The following TMEM50B variants were observed in gnomAD, a reference collection of about 807,000 sequenced individuals.
TMEM50B encodes transmembrane protein 50B.
In TMEM50B, 14 loss-of-function variants were observed where a neutral mutation model predicts 23.4. The ratio of observed to expected loss-of-function variants is 0.60; its 90% CI spans 0.39 to 0.93. The LOEUF is 0.93. Ranked by LOEUF, TMEM50B falls within the 40% of genes least tolerant of loss-of-function variation. TMEM50B has a pLI of 0.00. For missense variants in TMEM50B, 159 were observed against 193.0 expected (o/e 0.82, Z 1.04); for synonymous variants, 64 against 62.3 (o/e 1.03, Z -0.13).
rs2084094716 is a variant in TMEM50B, at chr21:33,449,211, G to A, written c.*1607C>T. The A allele has an allele frequency of 6.6e-6, 1 of 152,168 alleles. No individual in the cohort carries two copies. Among genetic ancestry groups the A allele is most frequent in the Admixed American group, 6.5e-5 (1 of 15,268 alleles). 9.4% of individuals were successfully genotyped at this position (152,168 alleles called of 1,614,324 possible). On this transcript the variant is annotated 3_prime_UTR_variant, in exon 7 of 7. Transcript: ENST00000542230. Reference sequence around the variant, plus strand: ...AAATAATTAGTCTTACAATTTGCTAGAAGCATGACAGAGCTTACTAACATT... The same window carrying A: ...AAATAATTAGTCTTACAATTTGCTAAAAGCATGACAGAGCTTACTAACATT...
intron 3 of TMEM50B, 117 bp downstream of exon 3, chr21:33,466,893 C>A: frequency 1.4e-6 from 1 of 730,550 alleles, no homozygotes. Context: ...ATGTATGTAT[C>A]ATGTTAAAAA....
intron 5 of TMEM50B, among the ~76,000 whole-genome samples, chr21:33,457,223 T>C (rs115114540): frequency 0.043 from 6,455 of 151,376 alleles, 185 homozygotes; most frequent in African/African-American, 0.079. Context: ...CACTGCACTC[T>C]AGCCTGGACG....
intron 5 of TMEM50B, among the ~76,000 whole-genome samples, chr21:33,458,232 G>C (rs370455440): frequency 1.3e-5 from 2 of 152,128 alleles, no homozygotes; most frequent in African/African-American, 4.8e-5. Context: ...CACACTTTCC[G>C]GCTGGGCACA....
At chr21:33,468,738 A>T in intron 2 of TMEM50B, 49 bp downstream of exon 2, 1 of 1,472,086 alleles carries the variant, frequency 6.8e-7, no homozygotes, top group Non-Finnish European at 9.4e-7. Flanking sequence ...ATTAATTTCC[A>T]GGGCAAAAGG....
At chr21:33,474,689 C>T (rs112983895) in intron 1 of TMEM50B, among the ~76,000 whole-genome samples, 2 of 127,240 alleles carry the variant, frequency 1.6e-5, no homozygotes, top group Non-Finnish European at 3.2e-5. Context: ...GCAGGAGAAT[C>T]GCTTGGACCC....
chr21:33,460,492 C>T lies in TMEM50B; in HGVS notation c.294G>A (p.Trp98Ter). 1.9e-6 allele frequency: 3 copies of T among 1,610,262 alleles called. No homozygotes were observed. The highest frequency in any genetic ancestry group is 2.5e-6 in the Non-Finnish European group (3 of 1,178,610). Reference sequence around the variant, plus strand: ...ACATCAACATGAAACCAATGAAAAGCCAAACTCGAGCACCTGTGTAGAGAA... The same window carrying T: ...ACATCAACATGAAACCAATGAAAAGTCAAACTCGAGCACCTGTGTAGAGAA... Reference protein sequence around the residue: ...GCLGRTGARVWLFIGFMLMFG... With the variant: ...GCLGRTGARV The change falls in exon 5 of 7, where the codon TGG becomes TGA. Residue 98 changes from tryptophan (W) to a stop codon, truncating the protein, a stop_gained. Transcript: ENST00000542230. LOFTEE classifies it high-confidence loss of function.
intron 4 of TMEM50B, among the ~76,000 whole-genome samples, chr21:33,464,008 C>T (rs1293759847): frequency 6.6e-6 from 1 of 151,958 alleles, no homozygotes; most frequent in African/African-American, 2.4e-5. Context: ...AAAATATACA[C>T]GTGATACCAA....
intron 1 of TMEM50B, among the ~76,000 whole-genome samples, chr21:33,472,626 C>T (rs2084328436): frequency 6.6e-6 from 1 of 151,992 alleles, no homozygotes; most frequent in South Asian, 2.1e-4. Flanking sequence ...CCTGCAATCC[C>T]AGCACTTTGG....
intron 8 of TMEM50B, chr21:33,439,177 G>A (rs950119261): frequency 1.3e-5 from 2 of 152,220 alleles, no homozygotes; most frequent in African/African-American, 4.8e-5. Flanking sequence ...GACAAGTTTG[G>A]AGGAAGAAGT....
chr21:33,445,861 C>T (rs1384270612), downstream of TMEM50B, among the ~76,000 whole-genome samples: 1 of 152,144 alleles, frequency 6.6e-6, no homozygotes, highest in Non-Finnish European at 1.5e-5. Flanking sequence ...AGCATTTCCT[C>T]AGATTAATTC....
intron 6 of TMEM50B, 46 bp downstream of exon 6, chr21:33,455,681 A>G (rs751015256): frequency 8.1e-6 from 12 of 1,487,350 alleles, no homozygotes; most frequent in Non-Finnish European, 1.1e-5. Flanking sequence ...TTAAGTTGAC[A>G]TTTCTGTAAA....
chr21:33,469,033 A>G (rs1328975927), intron 1 of TMEM50B, 107 bp from the exon 2 acceptor site: 2 of 637,740 alleles, frequency 3.1e-6, no homozygotes, highest in African/African-American at 3.7e-5. Flanking sequence ...TTTAGGTCCT[A>G]TTCTACTATA....
At chr21:33,477,844 A>C (rs1027316828) in intron 1 of TMEM50B, among the ~76,000 whole-genome samples, 1 of 151,030 alleles carries the variant, frequency 6.6e-6, no homozygotes, top group Non-Finnish European at 1.5e-5. Flanking sequence ...TAAGTTAAAA[A>C]TAAACTTTAG....
intron 8 of TMEM50B, among the ~76,000 whole-genome samples, chr21:33,438,237 G>A (rs532244835): frequency 2.0e-5 from 3 of 152,302 alleles, no homozygotes; most frequent in South Asian, 2.1e-4. Context: ...GCTGCAGTGA[G>A]CAATGATTAC....
intron 1 of TMEM50B, among the ~76,000 whole-genome samples, chr21:33,478,621 C>T (rs1348928991): frequency 6.6e-6 from 1 of 152,136 alleles, no homozygotes; most frequent in Non-Finnish European, 1.5e-5. Context: ...AGTGGGAAGG[C>T]TGTGTCTCCG....
chr21:33,478,745 C>T, intron 1 of TMEM50B: 1 of 469,904 alleles, frequency 2.1e-6, no homozygotes, highest in South Asian at 1.6e-5. Flanking sequence ...GCACCACTAT[C>T]TTCAGTTTAA....
downstream of TMEM50B, among the ~76,000 whole-genome samples, chr21:33,444,373 C>T (rs1312065209): frequency 6.6e-6 from 1 of 152,048 alleles, no homozygotes; most frequent in Non-Finnish European, 1.5e-5. Context: ...CATGGTGAAA[C>T]CGTGTCTCTA....
chr21:33,450,746 GT>G lies in TMEM50B; in HGVS notation c.*71del. The G allele has an allele frequency of 8.4e-7, 1 of 1,188,088 alleles. No individual in the cohort carries two copies. The highest frequency in any genetic ancestry group is 1.5e-5 in the African/African-American group (1 of 65,366). 73.6% of individuals were successfully genotyped at this position (1,188,088 alleles called of 1,614,324 possible). A position where few individuals can be genotyped will look rare whatever the true frequency, so the allele number is the denominator to read the frequency against. On this transcript the variant is annotated 3_prime_UTR_variant, in exon 7 of 7. Transcript: ENST00000542230. ...TGTACAATCTACTCCATTTGGCAAT[GT>G]GTACTGAGAGATAAAAAACCTATCT...
chr21:33,433,596 C>T (rs777304492), intron 8 of TMEM50B, among the ~76,000 whole-genome samples: 58 of 151,900 alleles, frequency 3.8e-4, no homozygotes, highest in Admixed American at 7.2e-4. Context: ...ATGGTGGTTG[C>T]GGTGGTGGAG....
Sources: gnomAD v4.1 joint callset for allele counts (sites outside exome capture counted in the v4.1 genomes callset) on GRCh38, gnomAD v4.1.1 for gene constraint, MANE v1.5 for transcripts, NCBI Gene and HGNC (gene_info 2026-07-23, HGNC 2026-07-21) for gene names.